The following PGCKA1 variants were observed in gnomAD, a reference collection of about 807,000 sequenced individuals.
The protein encoded by PGCKA1 is PDCD10 and GCKIII kinases associated 1.
At chr4:37,561,564 G>A in the PGCKA1 span, among the ~76,000 whole-genome samples, 1 of 152,170 alleles carries the variant, frequency 6.6e-6, no homozygotes, top group Admixed American at 6.5e-5. Context: ...GGGAAAGAAA[G>A]GGGGGACAAT....
At chr4:37,555,279 C>A in the PGCKA1 span, among the ~76,000 whole-genome samples, 1 of 152,212 alleles carries the variant, frequency 6.6e-6, no homozygotes, top group Non-Finnish European at 1.5e-5. Flanking sequence ...CTTAGGCACT[C>A]AGTAACAGCT....
chr4:37,575,637 G>A, the PGCKA1 span, among the ~76,000 whole-genome samples: 11 of 152,042 alleles, frequency 7.2e-5, no homozygotes, highest in Non-Finnish European at 1.3e-4. Flanking sequence ...TGCTTTGGGT[G>A]CCTTTGTTTC....
At chr4:37,459,853 T>C in the PGCKA1 span, among the ~76,000 whole-genome samples, 37 of 149,478 alleles carry the variant, frequency 2.5e-4, no homozygotes, top group Non-Finnish European at 4.7e-4. Context: ...TTATTTTAAG[T>C]TCCAGGATAC....
the PGCKA1 span, among the ~76,000 whole-genome samples, chr4:37,524,385 G>A: frequency 6.7e-6 from 1 of 148,432 alleles, no homozygotes; most frequent in Non-Finnish European, 1.5e-5. Flanking sequence ...CTTGATTGGG[G>A]CTGAGGATAT....
At chr4:37,587,498 T>C in the PGCKA1 span, among the ~76,000 whole-genome samples, 1 of 152,174 alleles carries the variant, frequency 6.6e-6, no homozygotes, top group African/African-American at 2.4e-5. Flanking sequence ...TCATATTCAC[T>C]GTGGACAAAA....
At chr4:37,574,819 T>C in the PGCKA1 span, among the ~76,000 whole-genome samples, 5 of 151,996 alleles carry the variant, frequency 3.3e-5, no homozygotes, top group Non-Finnish European at 7.4e-5. Context: ...TGAAGTTCAA[T>C]TGTTTTAATT....
At chr4:37,458,374 G>A in the PGCKA1 span, among the ~76,000 whole-genome samples, 7 of 151,986 alleles carry the variant, frequency 4.6e-5, no homozygotes, top group African/African-American at 1.7e-4. Flanking sequence ...GTTATCTATT[G>A]CTGTGTAACA....
chr4:37,494,052 C>G, the PGCKA1 span, among the ~76,000 whole-genome samples: 2 of 152,134 alleles, frequency 1.3e-5, no homozygotes, highest in Non-Finnish European at 2.9e-5. Context: ...TTAGGTATCT[C>G]TTTGATATCC....
chr4:37,548,158 A>G, the PGCKA1 span, among the ~76,000 whole-genome samples: 2 of 148,898 alleles, frequency 1.3e-5, no homozygotes, highest in Admixed American at 1.3e-4. Flanking sequence ...ATTGTCTGTG[A>G]AAGTCGTGAA....
At chr4:37,567,226 A>T in the PGCKA1 span, among the ~76,000 whole-genome samples, 1 of 152,220 alleles carries the variant, frequency 6.6e-6, no homozygotes, top group African/African-American at 2.4e-5. Flanking sequence ...TTAGTTATCT[A>T]TAAAATACTG....
chr4:37,545,269 T>C, the PGCKA1 span, among the ~76,000 whole-genome samples: 1 of 152,172 alleles, frequency 6.6e-6, no homozygotes, highest in African/African-American at 2.4e-5. Context: ...CCCCAACATT[T>C]CCTGTGCATG....
the PGCKA1 span, among the ~76,000 whole-genome samples, chr4:37,560,033 C>G: frequency 1.3e-5 from 2 of 152,220 alleles, no homozygotes; most frequent in Non-Finnish European, 2.9e-5. Context: ...CCCAGTGGCT[C>G]TAGATCATTC....
chr4:37,495,755 A>G, the PGCKA1 span, among the ~76,000 whole-genome samples: 1 of 152,124 alleles, frequency 6.6e-6, no homozygotes, highest in African/African-American at 2.4e-5. Flanking sequence ...TATCTAAAGT[A>G]GATGATGGGT....
At chr4:37,456,913 A>G in the PGCKA1 span, among the ~76,000 whole-genome samples, 1 of 152,264 alleles carries the variant, frequency 6.6e-6, no homozygotes, top group Non-Finnish European at 1.5e-5. Context: ...AAGCACTGGT[A>G]TTTAAGATTT....
the PGCKA1 span, among the ~76,000 whole-genome samples, chr4:37,525,961 G>C: frequency 6.6e-6 from 1 of 152,164 alleles, no homozygotes; most frequent in Non-Finnish European, 1.5e-5. Flanking sequence ...TTCCTGATTA[G>C]ATACTAGCTG....
At chr4:37,490,390 A>C in the PGCKA1 span, among the ~76,000 whole-genome samples, 12 of 152,126 alleles carry the variant, frequency 7.9e-5, no homozygotes, top group Non-Finnish European at 1.6e-4. Flanking sequence ...AAAAGACTAG[A>C]CTCATGTTCT....
the PGCKA1 span, among the ~76,000 whole-genome samples, chr4:37,552,446 C>T: frequency 6.6e-6 from 1 of 152,126 alleles, no homozygotes; most frequent in Non-Finnish European, 1.5e-5. Flanking sequence ...AGAGGTTTTG[C>T]CTGTGGCTCA....
the PGCKA1 span, among the ~76,000 whole-genome samples, chr4:37,579,316 G>A: frequency 0.093 from 14,191 of 152,130 alleles, 2,147 homozygotes; most frequent in African/African-American, 0.31. Flanking sequence ...CAGTTACAAT[G>A]TTATAATATT....
chr4:37,545,217 C>T, the PGCKA1 span, among the ~76,000 whole-genome samples: 1 of 152,082 alleles, frequency 6.6e-6, no homozygotes, highest in Admixed American at 6.6e-5. Context: ...AAGGTAGCTG[C>T]CAGGCATTCT....
Sources: gnomAD v4.1 joint callset for allele counts (sites outside exome capture counted in the v4.1 genomes callset) on GRCh38, gnomAD v4.1.1 for gene constraint, MANE v1.5 for transcripts, NCBI Gene and HGNC (gene_info 2026-07-23, HGNC 2026-07-21) for gene names.